The following CCDC89 variants were observed in gnomAD, a reference collection of about 807,000 sequenced individuals.
The protein encoded by CCDC89 is coiled-coil domain-containing protein 89.
Under a neutral mutation model 29.3 loss-of-function variants are expected in CCDC89, and 28 were observed. That is an observed-to-expected ratio of 0.96 (90% CI 0.71 to 1.31). CCDC89 has a LOEUF of 1.31. Ranked by LOEUF, CCDC89 falls within the 50% of genes most tolerant of loss-of-function variation. The pLI, the probability that CCDC89 is intolerant of heterozygous loss-of-function variation, is 0.00. For missense variants in CCDC89, 484 were observed against 442.3 expected, an observed-to-expected ratio of 1.09 and a Z score of -0.85; for synonymous variants, 191 against 179.7, an observed-to-expected ratio of 1.06 and a Z score of -0.51.
rs369085163 is a variant in CCDC89 at position 85,685,579 on chromosome 11, C to T, written c.552G>A (p.Glu184=). ...AKVLQLTVRC[E]ALTGELETLK... is the part of the protein sequence containing the mutation. ...GCGTTTCTAGCTCCCCAGTGAGGGC[C>T]TCACACCGGACTGTGAGCTGTAATA... The change falls in exon 1 of 1, where the codon GAG becomes GAA. Residue 184 remains glutamate (E), a synonymous_variant. Transcript: ENST00000316398. 1.2e-6 allele frequency: 2 copies of T among 1,614,064 alleles called. No individual in the cohort carries two copies. Among genetic ancestry groups the T allele is most frequent in the African/African-American group, 2.7e-5 (2 of 74,926 alleles).
rs763779873 is a variant in CCDC89 at position 85,684,961 on chromosome 11, A to G, written c.*45T>C. On this transcript the variant is annotated 3_prime_UTR_variant, in exon 1 of 1. Transcript: ENST00000316398. ...ACTCTTGCCATAATGCTAAGACGCA[A>G]ATATTTGAATTCTGAATTGCAGGCC... 1.3e-6 allele frequency: 2 copies of G among 1,551,894 alleles called. No individual in the cohort carries two copies. The highest frequency in any genetic ancestry group is 1.7e-6 in the Non-Finnish European group (2 of 1,150,610).
At position 85,685,363 on chromosome 11, in the gene CCDC89, GCTGCT is replaced by G. The variant is rs777361916; in HGVS notation, c.763_767del (p.Ser255ProfsTer14). ...GCCTGGCCTGCAGCTCCTGGCTCAG[GCTGCT>G]GTGTGTCTCCTCTGCCTTAGCTATC... On this transcript the variant is annotated frameshift_variant, in exon 1 of 1. Coordinates refer to ENST00000316398, the MANE Select transcript of CCDC89 (RefSeq NM_152723.3). LOFTEE classifies it high-confidence loss of function. 2.7e-5 allele frequency: 43 copies of G among 1,609,570 alleles called. No homozygotes were observed. Among genetic ancestry groups the G allele is most frequent in the Admixed American group, 3.3e-5 (2 of 60,032 alleles).
rs1194928764 is a variant in CCDC89, at chr11:85,685,575, G to A, written c.556C>T (p.Leu186Phe). The A allele has an allele frequency of 7.4e-6, 12 of 1,614,156 alleles. No homozygotes were observed. Among genetic ancestry groups the A allele is most frequent in the South Asian group, 1.1e-5 (1 of 91,080 alleles). The change falls in exon 1 of 1, where the codon CTC (leucine) becomes TTC (phenylalanine). Residue 186 changes from leucine (L) to phenylalanine (F), a missense_variant. By Grantham distance (22) the Leu-to-Phe change is conservative. Transcript: ENST00000316398. ...VLQLTVRCEALTGELETLKER... is the reference protein window; with the variant it reads ...VLQLTVRCEAFTGELETLKER... ...TTCAGCGTTTCTAGCTCCCCAGTGA[G>A]GGCCTCACACCGGACTGTGAGCTGT... is the stretch of plus-strand genomic sequence containing the variant.
Position 85,685,748 on chromosome 11 carries a change from G to C in CCDC89, c.383C>G (p.Thr128Ser). 1 of 1,614,084 alleles carries C rather than the reference G, an allele frequency of 6.2e-7. No homozygotes were observed. Among genetic ancestry groups the C allele is most frequent in the East Asian group, 2.2e-5 (1 of 44,858 alleles). Residue 128 changes from threonine (T) to serine (S), a missense_variant, in exon 1 of 1, where the codon ACC becomes AGC. Coordinates refer to ENST00000316398, the MANE Select transcript of CCDC89 (RefSeq NM_152723.3). ...YSRKLEERFM[T>S]LAANHELMLR... Reference sequence around the variant, plus strand: ...CATCAACTCGTGGTTGGCTGCTAGGGTCATAAAGCGTTCCTCTAGTTTCCG... The same window carrying C: ...CATCAACTCGTGGTTGGCTGCTAGGCTCATAAAGCGTTCCTCTAGTTTCCG...
In CCDC89 at chr11:85,684,591, T is replaced by C. The variant is rs1052915934; in HGVS notation, c.*415A>G. 6.6e-5 allele frequency among the ~76,000 whole-genome samples: 10 copies of C among 152,230 alleles called. No homozygotes were observed. The highest frequency in any genetic ancestry group is 1.2e-4 in the Non-Finnish European group (8 of 68,042). ...TTACAATCTCAACTATGGGAGACTATAAGCCTAACTATCTACAGTGGGTAA... is the reference window on the plus strand; with the variant it reads ...TTACAATCTCAACTATGGGAGACTACAAGCCTAACTATCTACAGTGGGTAA... On this transcript the variant is annotated 3_prime_UTR_variant, in exon 1 of 1. Coordinates refer to ENST00000316398, the MANE Select transcript of CCDC89 (RefSeq NM_152723.3).
rs989867942 is a variant in CCDC89 at position 85,685,631 on chromosome 11, T to C, written c.500A>G (p.Gln167Arg). 4 of 1,614,194 alleles carry C rather than the reference T, an allele frequency of 2.5e-6. No individual in the cohort carries two copies. The highest frequency in any genetic ancestry group is 3.4e-6 in the Non-Finnish European group (4 of 1,180,044). The change falls in exon 1 of 1, where the codon CAG (glutamine) becomes CGG (arginine). Residue 167 changes from glutamine to arginine, a missense_variant. Gln to Arg is a conservative substitution (Grantham distance 43, BLOSUM62 1). Coordinates refer to ENST00000316398, the MANE Select transcript of CCDC89 (RefSeq NM_152723.3). ...LRLENSSLFSQALKDEEAKVL... is the reference protein window; with the variant it reads ...LRLENSSLFSRALKDEEAKVL... The stretch of plus-strand genomic sequence containing the variant: ...TTTCGCCTCCTCATCCTTCAGAGCC[T>C]GGCTGAAGAGGCTGCTATTCTCCAG...
Position 85,686,153 on chromosome 11 carries a change from T to G in CCDC89, c.-23A>C. ...CATCCACTAAGGGCTGACTACAGTC[T>G]TTTCCCCTCAGATTTCAAACGCTGC... On this transcript the variant is annotated 5_prime_UTR_variant, in exon 1 of 1. Coordinates refer to ENST00000316398, the MANE Select transcript of CCDC89 (RefSeq NM_152723.3). The G allele has an allele frequency of 5.7e-6, 9 of 1,591,348 alleles. No homozygotes were observed. The highest frequency in any genetic ancestry group is 7.7e-6 in the Non-Finnish European group (9 of 1,170,376).
At position 85,685,229 on chromosome 11, in the gene CCDC89, T is replaced by A; in HGVS notation, c.902A>T (p.Glu301Val). The A allele has an allele frequency of 6.2e-7, 1 of 1,613,552 alleles. No homozygotes were observed. The highest frequency in any genetic ancestry group is 1.7e-5 in the Admixed American group (1 of 60,034). Residue 301 changes from glutamate to valine, a missense_variant, in exon 1 of 1, where the codon GAG (glutamate) becomes GTG (valine). Physicochemically the swap from Glu to Val is moderately radical, Grantham distance 121 (BLOSUM62 -2). Coordinates refer to ENST00000316398, the MANE Select transcript of CCDC89 (RefSeq NM_152723.3). ...AEICQLEEKL[E>V]IANEDRKHAL... ...ATGCTTCCTGTCTTCATTTGCTATC[T>A]CCAACTTTTCCTCAAGCTGGCAGAT...
Position 85,684,922 on chromosome 11 carries a change from G to A in CCDC89, c.*84C>T, listed in dbSNP as rs1250442646. Reference sequence around the variant, plus strand: ...TTTTGTGCTTGAAAGTATAATAAATGGGATATCATCTTTACTCTTGCCATA... The same window carrying A: ...TTTTGTGCTTGAAAGTATAATAAATAGGATATCATCTTTACTCTTGCCATA... On this transcript the variant is annotated 3_prime_UTR_variant, in exon 1 of 1. Transcript: ENST00000316398. 1.3e-5 allele frequency: 18 copies of A among 1,380,958 alleles called. No homozygotes were observed. Among genetic ancestry groups the A allele is most frequent in the Non-Finnish European group, 1.8e-5 (18 of 1,014,836 alleles). 85.5% of individuals were successfully genotyped at this position (1,380,958 alleles called of 1,614,324 possible). A position where few individuals can be genotyped will look rare whatever the true frequency, so the allele number is the denominator to read the frequency against.
Position 85,685,798 on chromosome 11 carries a change from C to A in CCDC89, c.333G>T (p.Lys111Asn), listed in dbSNP as rs148394415. 1 of 1,614,192 alleles carries A rather than the reference C, an allele frequency of 6.2e-7. No individual in the cohort carries two copies. The highest frequency in any genetic ancestry group is 8.5e-7 in the Non-Finnish European group (1 of 1,180,040). The stretch of plus-strand genomic sequence containing the variant: ...GACTGTACTCACCCTGGGCCTTGAG[C>A]TTCTCAGCCTCCTGCATCATCTTCT... ...LEEKMMQEAE[K>N]LKAQGEYSRK... The change falls in exon 1 of 1, where the codon AAG (lysine) becomes AAT (asparagine). Residue 111 changes from lysine to asparagine, a missense_variant. Lys to Asn is a moderately conservative substitution (Grantham distance 94). Coordinates refer to ENST00000316398, the MANE Select transcript of CCDC89 (RefSeq NM_152723.3).
Position 85,685,753 on chromosome 11 carries a change from A to G in CCDC89, c.378T>C (p.Phe126=). The change falls in exon 1 of 1, where the codon TTT becomes TTC. Residue 126 remains phenylalanine, a synonymous_variant. Coordinates refer to ENST00000316398, the MANE Select transcript of CCDC89 (RefSeq NM_152723.3). ...ACTCGTGGTTGGCTGCTAGGGTCAT[A>G]AAGCGTTCCTCTAGTTTCCGACTGT... ...GEYSRKLEER[F]MTLAANHELM... is the part of the protein sequence containing the mutation. 6.2e-7 allele frequency: 1 copy of G among 1,614,096 alleles called. No homozygotes were observed. Among genetic ancestry groups the G allele is most frequent in the Non-Finnish European group, 8.5e-7 (1 of 1,180,014 alleles).
rs1341572712 is a variant in CCDC89, at chr11:85,686,101, C to T, written c.30G>A (p.Gln10=). 1.7e-5 allele frequency: 27 copies of T among 1,613,808 alleles called. No homozygotes were observed. Among genetic ancestry groups the T allele is most frequent in the Non-Finnish European group, 2.3e-5 (27 of 1,179,930 alleles). MRAPMLQKQ[Q]APRMDTPPPE... ...GGGGCGGGGTGTCCATCCTGGGAGC[C>T]TGCTGTTTCTGGAGCATAGGCGCTC... The change falls in exon 1 of 1, where the codon CAG becomes CAA. Residue 10 remains glutamine, a synonymous_variant. Transcript: ENST00000316398.
Position 85,685,662 on chromosome 11 carries a change from G to T in CCDC89, c.469C>A (p.Leu157Met). 1 of 1,614,084 alleles carries T rather than the reference G, an allele frequency of 6.2e-7. No individual in the cohort carries two copies. The highest frequency in any genetic ancestry group is 8.5e-7 in the Non-Finnish European group (1 of 1,180,036). ...AAGAGGCTGCTATTCTCCAGCCTCA[G>T]CTTCTCATTCTCCTCCCTCAGCTTG... ...NIKLREENEK[L>M]RLENSSLFSQ... The change falls in exon 1 of 1, where the codon CTG becomes ATG. Residue 157 changes from leucine (L) to methionine (M), a missense_variant. Leu to Met is a conservative substitution (Grantham distance 15). Coordinates refer to ENST00000316398, the MANE Select transcript of CCDC89 (RefSeq NM_152723.3).
At position 85,686,085 on chromosome 11, in the gene CCDC89, T is replaced by C. The variant is rs201712185; in HGVS notation, c.46A>G (p.Thr16Ala). The change falls in exon 1 of 1, where the codon ACC becomes GCC. Residue 16 changes from threonine (T) to alanine (A), a missense_variant. Transcript: ENST00000316398. ...LQKQQAPRMD[T>A]PPPEERLEKQ... ...TCTAAGCGTTCTTCAGGGGGCGGGG[T>C]GTCCATCCTGGGAGCCTGCTGTTTC... 276 of 1,614,074 alleles carry C rather than the reference T, an allele frequency of 1.7e-4. No individual in the cohort carries two copies. In the East Asian group the frequency reaches 2.1e-3, roughly 12 times the overall value.
In CCDC89 at chr11:85,686,053, T is replaced by C; in HGVS notation, c.78A>G (p.Gln26=). 8 of 1,614,174 alleles carry C rather than the reference T, an allele frequency of 5.0e-6. No individual in the cohort carries two copies. Among genetic ancestry groups the C allele is most frequent in the Non-Finnish European group, 6.8e-6 (8 of 1,180,032 alleles). ...TPPPEERLEK[Q]NEKLNNQEEE... is the part of the protein sequence containing the mutation. ...CTTCCTGGTTGTTCAGTTTTTCATT[T>C]TGCTTCTCTAAGCGTTCTTCAGGGG... Residue 26 remains glutamine (Q), a synonymous_variant, in exon 1 of 1, where the codon CAA becomes CAG. Transcript: ENST00000316398.
chr11:85,685,596 G>T lies in CCDC89; in HGVS notation c.535C>A (p.Leu179Ile), dbSNP rs759887537. The change falls in exon 1 of 1, where the codon CTC becomes ATC. Residue 179 changes from leucine to isoleucine, a missense_variant. Transcript: ENST00000316398. ...LKDEEAKVLQ[L>I]TVRCEALTGE... is the part of the protein sequence containing the mutation. ...GTGAGGGCCTCACACCGGACTGTGA[G>T]CTGTAATACTTTCGCCTCCTCATCC... is the stretch of plus-strand genomic sequence containing the variant. The T allele has an allele frequency of 6.2e-7, 1 of 1,614,184 alleles. No homozygotes were observed. The highest frequency in any genetic ancestry group is 8.5e-7 in the Non-Finnish European group (1 of 1,180,044).
At position 85,685,165 on chromosome 11, in the gene CCDC89, G is replaced by A. The variant is rs1555212721; in HGVS notation, c.966C>T (p.Asp322=). Residue 322 remains aspartate (D), a synonymous_variant, in exon 1 of 1, where the codon GAC becomes GAT. Coordinates refer to ENST00000316398, the MANE Select transcript of CCDC89 (RefSeq NM_152723.3). ...ERFEQEAVAV[D]SNLRVRELQR... is the part of the protein sequence containing the mutation. ...GAAGCTCCCTGACTCTCAAGTTGCT[G>A]TCCACAGCCACTGCCTCTTGCTCAA... 4.3e-6 allele frequency: 7 copies of A among 1,614,196 alleles called. No individual in the cohort carries two copies. The highest frequency in any genetic ancestry group is 1.1e-5 in the South Asian group (1 of 91,086).
Position 85,685,647 on chromosome 11 carries a change from TATTCTCCAGCCTCAGCTTCTC to T in CCDC89, c.463_483del (p.Glu155_Asn161del). The T allele has an allele frequency of 6.2e-7, 1 of 1,614,154 alleles. No homozygotes were observed. Among genetic ancestry groups the T allele is most frequent in the South Asian group, 1.1e-5 (1 of 91,080 alleles). ...TTCAGAGCCTGGCTGAAGAGGCTGC[TATTCTCCAGCCTCAGCTTCTC>T]ATTCTCCTCCCTCAGCTTGATGTTC... On this transcript the variant is annotated inframe_deletion, in exon 1 of 1. Coordinates refer to ENST00000316398, the MANE Select transcript of CCDC89 (RefSeq NM_152723.3).
Position 85,685,127 on chromosome 11 carries a change from T to A in CCDC89, c.1004A>T (p.Asp335Val), listed in dbSNP as rs372772132. The A allele has an allele frequency of 2.5e-6, 4 of 1,614,078 alleles. No homozygotes were observed. Among genetic ancestry groups the A allele is most frequent in the Non-Finnish European group, 2.5e-6 (3 of 1,180,040 alleles). The change falls in exon 1 of 1, where the codon GAT becomes GTT. Residue 335 changes from aspartate (D) to valine (V), a missense_variant. Coordinates refer to ENST00000316398, the MANE Select transcript of CCDC89 (RefSeq NM_152723.3). The stretch of plus-strand genomic sequence containing the variant: ...TTCATCGTAGGCCTTCTGGATCCCA[T>A]CTACTTTGCGCTGAAGCTCCCTGAC... ...LRVRELQRKVDGIQKAYDELR... is the reference protein window; with the variant it reads ...LRVRELQRKVVGIQKAYDELR...
Sources: allele counts gnomAD v4.1 joint callset (sites outside exome capture counted in the v4.1 genomes callset), GRCh38; gene constraint gnomAD v4.1.1; transcripts MANE v1.5; gene names NCBI Gene and HGNC (gene_info 2026-07-23, HGNC 2026-07-21).